Variants in RGS7BP observed in about 807,000 individuals in gnomAD.
RGS7BP encodes regulator of G protein signaling 7 binding protein, also known as regulator of G protein signaling 7-binding protein.
Under a neutral mutation model 31.3 loss-of-function variants are expected in RGS7BP, and 9 were observed. The ratio of observed to expected loss-of-function variants is 0.29; its 90% CI spans 0.17 to 0.50. The LOEUF (loss-of-function observed/expected upper bound fraction) is 0.50. RGS7BP is among the 20% of genes least tolerant of loss of function. RGS7BP has a pLI of 0.98. For synonymous variants in RGS7BP, 115 were observed against 120.1 expected (o/e 0.96, Z 0.28); for missense variants, 274 against 322.0 (o/e 0.85, Z 1.14).
chr5:64,607,191 A>G (rs893866512), intron 5 of RGS7BP, among the ~76,000 whole-genome samples: 3 of 152,122 alleles, frequency 2.0e-5, no homozygotes, highest in African/African-American at 7.2e-5. Flanking sequence ...CACTTAGATG[A>G]CACTTTATGT....
chr5:64,591,770 C>T (rs1469804183), intron 3 of RGS7BP, among the ~76,000 whole-genome samples: 1 of 152,114 alleles, frequency 6.6e-6, no homozygotes, highest in Admixed American at 6.6e-5. Flanking sequence ...TATCTCTAAG[C>T]TGGACTACAG....
At chr5:64,565,408 C>A (rs1288560114) in intron 2 of RGS7BP, among the ~76,000 whole-genome samples, 2 of 152,044 alleles carry the variant, frequency 1.3e-5, no homozygotes, top group Non-Finnish European at 2.9e-5. Flanking sequence ...AGGAAATATA[C>A]AAAAATGTTA....
intron 2 of RGS7BP, among the ~76,000 whole-genome samples, chr5:64,575,107 G>C (rs928769018): frequency 8.5e-5 from 13 of 152,070 alleles, no homozygotes; most frequent in African/African-American, 2.4e-5. Context: ...ATATTTAATA[G>C]AGAAATACAC....
intron 4 of RGS7BP, among the ~76,000 whole-genome samples, chr5:64,597,127 C>G (rs1743090707): frequency 6.6e-6 from 1 of 152,130 alleles, no homozygotes; most frequent in Non-Finnish European, 1.5e-5. Flanking sequence ...AAATCTGCCC[C>G]TATGTCCTGG....
chr5:64,545,703 T>A (rs1390360883), intron 2 of RGS7BP, among the ~76,000 whole-genome samples: 1 of 152,098 alleles, frequency 6.6e-6, no homozygotes, highest in African/African-American at 2.4e-5. Context: ...AAGAAGGCAA[T>A]AAATTAAAGA....
At chr5:64,521,045 G>A (rs549571521) in intron 2 of RGS7BP, among the ~76,000 whole-genome samples, 15 of 152,144 alleles carry the variant, frequency 9.9e-5, no homozygotes, top group Non-Finnish European at 1.3e-4. Context: ...AAATCATCAC[G>A]GTAATTATCT....
chr5:64,606,520 G>A (rs1021618267), intron 5 of RGS7BP, among the ~76,000 whole-genome samples: 1 of 152,018 alleles, frequency 6.6e-6, no homozygotes, highest in Non-Finnish European at 1.5e-5. Flanking sequence ...TTTTAGGGAA[G>A]CATTGAATTC....
rs186661918 is a variant in RGS7BP, at chr5:64,521,350, C to T, written c.332+13473C>T. ...TTGGCTCACTGCAACCTCCGTCTCC[C>T]GGGTTCAAGGATTCTCCTGCCTCAG... On this transcript the variant is annotated intron_variant, in intron 2 of 5. Transcript: ENST00000334025. Among the ~76,000 whole-genome samples the T allele has an allele frequency of 2.5e-3, 383 of 152,238 alleles. 2 individuals carry two copies. The highest frequency in any genetic ancestry group is 6.8e-3 in the Middle Eastern group (2 of 292).
intron 2 of RGS7BP, among the ~76,000 whole-genome samples, chr5:64,525,002 C>T (rs1365701113): frequency 6.6e-6 from 1 of 152,078 alleles, no homozygotes; most frequent in Non-Finnish European, 1.5e-5. Flanking sequence ...AAGTGCCACT[C>T]ATAAACTTCA....
chr5:64,569,613 C>A (rs1742257406), intron 2 of RGS7BP, among the ~76,000 whole-genome samples: 1 of 152,052 alleles, frequency 6.6e-6, no homozygotes, highest in Non-Finnish European at 1.5e-5. Flanking sequence ...CTTCCCTGCC[C>A]CCAACTATCC....
chr5:64,515,388 G>T (rs1034618615), intron 2 of RGS7BP, among the ~76,000 whole-genome samples: 1 of 152,034 alleles, frequency 6.6e-6, no homozygotes, highest in African/African-American at 2.4e-5. Context: ...AAATCAGCAG[G>T]CAGTGTGTAT....
intron 2 of RGS7BP, among the ~76,000 whole-genome samples, chr5:64,568,173 G>A (rs1006060383): frequency 2.6e-5 from 4 of 152,044 alleles, no homozygotes; most frequent in African/African-American, 9.7e-5. Flanking sequence ...TCGTGGAGAA[G>A]GGCTGTGTTC....
intron 2 of RGS7BP, among the ~76,000 whole-genome samples, chr5:64,568,727 T>C (rs1236138446): frequency 2.6e-5 from 4 of 151,642 alleles, no homozygotes; most frequent in Non-Finnish European, 4.4e-5. Flanking sequence ...TTAATAGTAG[T>C]ATTTTTAGTC....
rs780179993 is a variant in RGS7BP at position 64,507,888 on chromosome 5, C to T, written c.332+11C>T. 8 of 1,606,994 alleles carry T rather than the reference C, an allele frequency of 5.0e-6. No homozygotes were observed. Among genetic ancestry groups the T allele is most frequent in the Admixed American group, 3.4e-5 (2 of 58,878 alleles). ...GGCTGCCATCTCAGGGTAGGAGACT[C>T]GGCATTATTTGGTAATCCATATACA... On this transcript the variant is annotated intron_variant, in intron 2 of 5. Transcript: ENST00000334025.
At chr5:64,561,818 C>T (rs761390292) in intron 2 of RGS7BP, among the ~76,000 whole-genome samples, 28 of 149,674 alleles carry the variant, frequency 1.9e-4, no homozygotes, top group Non-Finnish European at 3.5e-4. Context: ...TAAACGTTTG[C>T]TAATCACTAT....
chr5:64,609,394 C>T lies in RGS7BP; in HGVS notation c.*142C>T. On this transcript the variant is annotated 3_prime_UTR_variant, in exon 6 of 6. Transcript: ENST00000334025. ...TATTACTTTTATCTGCCTCCCCCTGCCCTTTTAAATGATTTTACACTTGAA... is the reference window on the plus strand; with the variant it reads ...TATTACTTTTATCTGCCTCCCCCTGTCCTTTTAAATGATTTTACACTTGAA... 1.7e-6 allele frequency: 1 copy of T among 595,052 alleles called. No individual in the cohort carries two copies. The highest frequency in any genetic ancestry group is 1.9e-5 in the African/African-American group (1 of 53,858). The allele number at this position is 595,052 out of a possible 1,614,324, so 36.9% of individuals were successfully genotyped here.
At chr5:64,565,254 G>A (rs963725716) in intron 2 of RGS7BP, among the ~76,000 whole-genome samples, 10 of 152,028 alleles carry the variant, frequency 6.6e-5, no homozygotes, top group African/African-American at 1.4e-4. Flanking sequence ...AAGCTAATAG[G>A]TGGTATGTTG....
intron 2 of RGS7BP, among the ~76,000 whole-genome samples, chr5:64,564,494 T>G (rs1447278216): frequency 6.6e-6 from 1 of 152,180 alleles, no homozygotes; most frequent in African/African-American, 2.4e-5. Flanking sequence ...TAATAATTAT[T>G]TTCAGTTATA....
At position 64,609,285 on chromosome 5, in the gene RGS7BP, T is replaced by C. The variant is rs763681794; in HGVS notation, c.*33T>C. 31 of 1,293,594 alleles carry C rather than the reference T, an allele frequency of 2.4e-5. 1 individual carries two copies. In the South Asian group the frequency reaches 3.4e-4, roughly 14 times the overall value. 80.1% of individuals were successfully genotyped at this position (1,293,594 alleles called of 1,614,324 possible). On this transcript the variant is annotated 3_prime_UTR_variant, in exon 6 of 6. Coordinates refer to ENST00000334025, the MANE Select transcript of RGS7BP (RefSeq NM_001029875.3). ...CTCCTGGAAACCCACTGAGAACATCTGAAAAAAAATCACAAAACCCGAGGA... is the reference window on the plus strand; with the variant it reads ...CTCCTGGAAACCCACTGAGAACATCCGAAAAAAAATCACAAAACCCGAGGA...
Sources: gnomAD v4.1 joint callset for allele counts (sites outside exome capture counted in the v4.1 genomes callset) on GRCh38, gnomAD v4.1.1 for gene constraint, MANE v1.5 for transcripts, NCBI Gene and HGNC (gene_info 2026-07-23, HGNC 2026-07-21) for gene names.